Variants in DLGAP2 observed in about 807,000 individuals in gnomAD.
DLGAP2 encodes the protein DLG associated protein 2, also known as disks large-associated protein 2.
DLGAP2 carries 26 observed loss-of-function variants against 100.3 expected under a neutral mutation model. The ratio of observed to expected loss-of-function variants is 0.26; its 90% CI spans 0.19 to 0.36. The LOEUF (loss-of-function observed/expected upper bound fraction) is 0.36, where lower values mean the gene tolerates loss of function less well. Ranked by LOEUF, DLGAP2 falls within the 10% of genes least tolerant of loss-of-function variation. The probability of loss-of-function intolerance (pLI) is 1.00; values close to 1 mark genes in which losing one functional copy is unlikely to be tolerated. For synonymous variants in DLGAP2, 886 were observed against 630.1 expected (o/e 1.41, Z -6.08); for missense variants, 1,858 against 1,453.2 (o/e 1.28, Z -4.53).
chr8:1,251,002 T>C (rs760919192), intron 2 of DLGAP2, among the ~76,000 whole-genome samples: 6 of 152,170 alleles, frequency 3.9e-5, no homozygotes, highest in East Asian at 1.9e-4. Flanking sequence ...TATTTAGGGG[T>C]TGGCTTTCTG....
intron 2 of DLGAP2, among the ~76,000 whole-genome samples, chr8:1,231,417 A>C (rs1293075031): frequency 1.3e-5 from 2 of 152,200 alleles, no homozygotes; most frequent in Non-Finnish European, 2.9e-5. Context: ...GCCATAGTGG[A>C]AAGCAGTTTG....
At chr8:1,272,261 G>T (rs1196340751) in intron 3 of DLGAP2, among the ~76,000 whole-genome samples, 2 of 152,140 alleles carry the variant, frequency 1.3e-5, no homozygotes, top group Non-Finnish European at 2.9e-5. Flanking sequence ...AGTTAGAGAT[G>T]GAAACATCAA....
At chr8:885,891 G>A (rs1312971113) in intron 1 of DLGAP2, among the ~76,000 whole-genome samples, 2 of 152,314 alleles carry the variant, frequency 1.3e-5, no homozygotes, top group East Asian at 1.9e-4. Context: ...CCTGGTTTTG[G>A]TATCAGAATG....
chr8:1,197,022 A>T (rs1005180395), intron 2 of DLGAP2, among the ~76,000 whole-genome samples: 6 of 152,138 alleles, frequency 3.9e-5, no homozygotes, highest in African/African-American at 1.2e-4. Flanking sequence ...GGGGTGGGCA[A>T]TGTCTGTGGT....
At chr8:898,965 G>GC (rs1361714970) in intron 1 of DLGAP2, among the ~76,000 whole-genome samples, 7 of 152,222 alleles carry the variant, frequency 4.6e-5, no homozygotes, top group African/African-American at 1.4e-4. Context: ...CTTGGGCCCT[G>GC]CCCCAGAACT....
chr8:1,471,560 G>T (rs566835884), intron 3 of DLGAP2, among the ~76,000 whole-genome samples: 1 of 132,336 alleles, frequency 7.6e-6, no homozygotes, highest in Non-Finnish European at 1.6e-5. Flanking sequence ...CCTCCTCTGC[G>T]ACGCCCTCCC....
rs1796974734 is a variant in DLGAP2 at position 1,610,916 on chromosome 8, G to T, written c.1443-15824G>T. On this transcript the variant is annotated intron_variant, in intron 6 of 14. Coordinates refer to ENST00000637795, the MANE Select transcript of DLGAP2 (RefSeq NM_001346810.2). Reference sequence around the variant, plus strand: ...TAATCAATAGTTTACCAACCAAAAAGAGTCCAGGACAAGATGGATTCACAG... The same window carrying T: ...TAATCAATAGTTTACCAACCAAAAATAGTCCAGGACAAGATGGATTCACAG... Among the ~76,000 whole-genome samples, 2 of 98,218 alleles carry T rather than the reference G, an allele frequency of 2.0e-5. 1 individual carries two copies. The allele number at this position is 98,218 out of a possible 152,430, so 64.4% of individuals were successfully genotyped here.
chr8:955,894 C>G (rs1342089665), intron 2 of DLGAP2, among the ~76,000 whole-genome samples: 1 of 152,152 alleles, frequency 6.6e-6, no homozygotes, highest in African/African-American at 2.4e-5. Context: ...CCTTGAGTGG[C>G]ATGTGTTGCT....
chr8:1,360,341 C>T (rs975905971), intron 3 of DLGAP2, among the ~76,000 whole-genome samples: 12 of 151,194 alleles, frequency 7.9e-5, no homozygotes, highest in African/African-American at 2.9e-4. Flanking sequence ...ACGGTGCTTT[C>T]AACAAATCAC....
At chr8:1,370,988 A>ATT (rs1259525004) in intron 3 of DLGAP2, among the ~76,000 whole-genome samples, 3 of 152,258 alleles carry the variant, frequency 2.0e-5, no homozygotes, top group Non-Finnish European at 4.4e-5. Context: ...TACACCATGG[A>ATT]TAGTAAGTAG....
chr8:1,383,174 G>A (rs1796135948), intron 3 of DLGAP2, among the ~76,000 whole-genome samples: 1 of 152,088 alleles, frequency 6.6e-6, no homozygotes, highest in Non-Finnish European at 1.5e-5. Flanking sequence ...AGTTTGTCAG[G>A]TATATTCATT....
chr8:1,343,732 T>C (rs1801473468), intron 3 of DLGAP2, among the ~76,000 whole-genome samples: 3 of 151,424 alleles, frequency 2.0e-5, no homozygotes, highest in South Asian at 2.1e-4. Context: ...GAGGCTCCGA[T>C]GTGCACGACA....
chr8:1,490,232 C>G (rs904733996), intron 3 of DLGAP2, among the ~76,000 whole-genome samples: 1 of 152,160 alleles, frequency 6.6e-6, no homozygotes, highest in Non-Finnish European at 1.5e-5. Flanking sequence ...ACAACTTACC[C>G]TGAAGTCATT....
chr8:1,566,422 A>G (rs1286798606), intron 6 of DLGAP2, among the ~76,000 whole-genome samples: 1 of 152,224 alleles, frequency 6.6e-6, no homozygotes, highest in East Asian at 1.9e-4. Flanking sequence ...TTTTGAAAAT[A>G]TAGACAGATA....
intron 2 of DLGAP2, among the ~76,000 whole-genome samples, chr8:1,125,224 C>G (rs1585083527): frequency 6.6e-6 from 1 of 152,208 alleles, no homozygotes; most frequent in South Asian, 2.1e-4. Flanking sequence ...GTTACACCGT[C>G]AGGGTTGTAA....
intron 1 of DLGAP2, among the ~76,000 whole-genome samples, chr8:748,858 G>A (rs1000942748): frequency 9.2e-5 from 14 of 152,208 alleles, no homozygotes; most frequent in Admixed American, 2.6e-4. Flanking sequence ...GAGACCTTTC[G>A]TTGGCTGCCA....
intron 2 of DLGAP2, among the ~76,000 whole-genome samples, chr8:1,114,970 G>A (rs1375715367): frequency 6.6e-6 from 1 of 152,104 alleles, no homozygotes. Flanking sequence ...CATTCAGGAG[G>A]ATGTTGTGTA....
At chr8:1,634,340 G>C (rs564418779) in intron 8 of DLGAP2, among the ~76,000 whole-genome samples, 1 of 152,328 alleles carries the variant, frequency 6.6e-6, no homozygotes, top group East Asian at 1.9e-4. Flanking sequence ...AAAGGCAACA[G>C]ATCCTGGCTC....
At chr8:1,066,139 C>G (rs772594664) in intron 2 of DLGAP2, among the ~76,000 whole-genome samples, 1 of 151,736 alleles carries the variant, frequency 6.6e-6, no homozygotes, top group Non-Finnish European at 1.5e-5. Context: ...TGAGCGAGGA[C>G]AGCTCCCCAC....
Sources: gnomAD v4.1 joint callset for allele counts (sites outside exome capture counted in the v4.1 genomes callset) on GRCh38, gnomAD v4.1.1 for gene constraint, MANE v1.5 for transcripts, NCBI Gene and HGNC (gene_info 2026-07-23, HGNC 2026-07-21) for gene names.